The following SLC24A2 variants were observed in gnomAD, a reference collection of about 807,000 sequenced individuals.
SLC24A2 encodes solute carrier family 24 member 2.
Under a neutral mutation model 62.0 loss-of-function variants are expected in SLC24A2, and 36 were observed. The ratio of observed to expected loss-of-function variants is 0.58; its 90% CI spans 0.44 to 0.77. SLC24A2 has a LOEUF of 0.77. Ranked by LOEUF, SLC24A2 falls within the 30% of genes least tolerant of loss-of-function variation. The pLI, the probability that SLC24A2 is intolerant of heterozygous loss-of-function variation, is 0.00. For missense variants in SLC24A2, 846 were observed against 817.9 expected, an observed-to-expected ratio of 1.03 and a Z score of -0.42; for synonymous variants, 358 against 294.0, an observed-to-expected ratio of 1.22 and a Z score of -2.23.
At chr9:20,092,187 C>T in the SLC24A2 span, among the ~76,000 whole-genome samples, 29 of 152,130 alleles carry the variant, frequency 1.9e-4, no homozygotes, top group Admixed American at 5.2e-4. Flanking sequence ...ACAACAAACC[C>T]CCATGAGTTT....
chr9:19,891,031 A>G, the SLC24A2 span, among the ~76,000 whole-genome samples: 1 of 152,180 alleles, frequency 6.6e-6, no homozygotes, highest in Admixed American at 6.5e-5. Context: ...CCCACTTGTT[A>G]AGTAAAACAC....
At chr9:20,122,637 G>C in the SLC24A2 span, among the ~76,000 whole-genome samples, 1 of 152,156 alleles carries the variant, frequency 6.6e-6, no homozygotes, top group African/African-American at 2.4e-5. Context: ...AGTGAGTCGA[G>C]ATTGCACCAC....
At chr9:20,272,866 G>A in the SLC24A2 span, among the ~76,000 whole-genome samples, 1 of 152,138 alleles carries the variant, frequency 6.6e-6, no homozygotes, top group African/African-American at 2.4e-5. Flanking sequence ...ACAGCACTAG[G>A]GGATTCCCCA....
the SLC24A2 span, among the ~76,000 whole-genome samples, chr9:19,908,421 A>G: frequency 6.6e-6 from 1 of 152,136 alleles, no homozygotes; most frequent in East Asian, 1.9e-4. Context: ...GGACATAGGC[A>G]TGGGCAAGGA....
At chr9:19,885,396 T>G in the SLC24A2 span, among the ~76,000 whole-genome samples, 1 of 152,266 alleles carries the variant, frequency 6.6e-6, no homozygotes, top group South Asian at 2.1e-4. Flanking sequence ...TTGTTTCAGG[T>G]GGATGATGAT....
chr9:19,574,716 T>A (rs1477504851), intron 6 of SLC24A2, among the ~76,000 whole-genome samples: 1 of 152,182 alleles, frequency 6.6e-6, no homozygotes, highest in Non-Finnish European at 1.5e-5. Context: ...AATTTTTTTT[T>A]TGTCATGACA....
chr9:20,184,614 G>A, the SLC24A2 span, among the ~76,000 whole-genome samples: 3 of 152,132 alleles, frequency 2.0e-5, no homozygotes, highest in Non-Finnish European at 2.9e-5. Flanking sequence ...AAGTGCTGGT[G>A]AGGTTGTGAA....
the SLC24A2 span, among the ~76,000 whole-genome samples, chr9:19,819,473 T>A: frequency 6.6e-6 from 1 of 151,938 alleles, no homozygotes; most frequent in African/African-American, 2.4e-5. Flanking sequence ...AATACCAGAA[T>A]CTATGACGAA....
chr9:19,906,427 C>G, the SLC24A2 span, among the ~76,000 whole-genome samples: 1 of 151,126 alleles, frequency 6.6e-6, no homozygotes, highest in Non-Finnish European at 1.5e-5. Flanking sequence ...ACTAGAGAAG[C>G]AAGAGCAAAC....
the SLC24A2 span, among the ~76,000 whole-genome samples, chr9:20,054,060 G>A: frequency 6.6e-6 from 1 of 152,184 alleles, no homozygotes; most frequent in East Asian, 1.9e-4. Flanking sequence ...TTTGATAGGG[G>A]TCTTTATTTA....
At chr9:20,284,390 G>C in the SLC24A2 span, among the ~76,000 whole-genome samples, 7 of 152,102 alleles carry the variant, frequency 4.6e-5, no homozygotes, top group African/African-American at 1.7e-4. Flanking sequence ...CAATCCTCCA[G>C]CCTCAACCTC....
At chr9:20,012,755 G>T in the SLC24A2 span, among the ~76,000 whole-genome samples, 1 of 151,964 alleles carries the variant, frequency 6.6e-6, no homozygotes, top group African/African-American at 2.4e-5. Context: ...AAAAAGGAAA[G>T]AAACAATAAA....
the SLC24A2 span, among the ~76,000 whole-genome samples, chr9:19,974,975 C>T: frequency 3.9e-5 from 6 of 152,126 alleles, no homozygotes; most frequent in African/African-American, 1.2e-4. Flanking sequence ...AGGAAGGCTC[C>T]TTTTTATCAG....
chr9:19,829,951 A>G, the SLC24A2 span, among the ~76,000 whole-genome samples: 1 of 151,494 alleles, frequency 6.6e-6, no homozygotes, highest in East Asian at 1.9e-4. Context: ...TCCAGTTTCA[A>G]TCTTTCTTTC....
At chr9:19,804,189 T>G in the SLC24A2 span, among the ~76,000 whole-genome samples, 2 of 152,284 alleles carry the variant, frequency 1.3e-5, no homozygotes, top group East Asian at 3.9e-4. Flanking sequence ...TGATAGAAAT[T>G]GTGTTGAACT....
chr9:19,845,104 C>T, the SLC24A2 span, among the ~76,000 whole-genome samples: 1 of 152,008 alleles, frequency 6.6e-6, no homozygotes, highest in Admixed American at 6.6e-5. Flanking sequence ...TTGCTTTGGG[C>T]AGTATGACCA....
the SLC24A2 span, among the ~76,000 whole-genome samples, chr9:19,978,815 G>A: frequency 6.6e-6 from 1 of 152,072 alleles, no homozygotes; most frequent in Non-Finnish European, 1.5e-5. Flanking sequence ...GACAAGAAAG[G>A]AACAAAGCTA....
In SLC24A2 at chr9:19,735,712, C is replaced by T. The variant is rs577031029; in HGVS notation, c.930+50225G>A. ...GATGAGTTCATGTCCTTTGTAGGGA[C>T]ATGGATGAAGCTGGAAACCATCATT... On this transcript the variant is annotated intron_variant, in intron 2 of 10. Transcript: ENST00000341998. Among the ~76,000 whole-genome samples the T allele has an allele frequency of 1.1e-3, 171 of 152,214 alleles. 1 individual carries two copies. Among genetic ancestry groups the T allele is most frequent in the Non-Finnish European group, 1.5e-3 (105 of 68,016 alleles).
At chr9:19,837,335 C>A in the SLC24A2 span, among the ~76,000 whole-genome samples, 5 of 150,658 alleles carry the variant, frequency 3.3e-5, no homozygotes, top group Non-Finnish European at 7.4e-5. Context: ...GCCTGTAGTC[C>A]CAGCTACTCG....
Sources: gnomAD v4.1 joint callset for allele counts (sites outside exome capture counted in the v4.1 genomes callset) on GRCh38, gnomAD v4.1.1 for gene constraint, MANE v1.5 for transcripts, NCBI Gene and HGNC (gene_info 2026-07-23, HGNC 2026-07-21) for gene names.